LHFPL1: variants seen among roughly 807,000 people sequenced by gnomAD.
LHFPL1 encodes the protein LHFPL tetraspan subfamily member 1 protein.
In LHFPL1, 4 loss-of-function variants were observed where a neutral mutation model predicts 12.1. That is an observed-to-expected ratio of 0.33 (90% CI 0.16 to 0.76). The LOEUF is 0.76. LHFPL1 is among the 30% of genes least tolerant of loss of function. The probability of loss-of-function intolerance (pLI) is 0.61; values close to 1 mark genes in which losing one functional copy is unlikely to be tolerated. For synonymous variants in LHFPL1, 52 were observed against 61.9 expected, an observed-to-expected ratio of 0.84 and a Z score of 0.75; for missense variants, 141 against 174.1, an observed-to-expected ratio of 0.81 and a Z score of 1.07.
At chrX:112,676,580 G>T (rs1374848362) in intron 1 of LHFPL1, among the ~76,000 whole-genome samples, 1 of 112,044 alleles carries the variant, frequency 8.9e-6, no homozygotes, top group African/African-American at 3.2e-5. Flanking sequence ...TTCTGAATTT[G>T]CTATCCTTAC....
intron 2 of LHFPL1, among the ~76,000 whole-genome samples, chrX:112,670,593 A>G (rs767420106): frequency 3.5e-4 from 39 of 112,444 alleles, no homozygotes; most frequent in Non-Finnish European, 6.2e-4. Context: ...ACCTGTGTGT[A>G]TGTGTTTATT....
chrX:112,673,529 C>T (rs1931570742), intron 1 of LHFPL1, among the ~76,000 whole-genome samples: 1 of 111,794 alleles, frequency 8.9e-6, no homozygotes, highest in South Asian at 3.8e-4. Context: ...GATGAAGCAG[C>T]CCAGGCCAGA....
chrX:112,632,372 C>A (rs1328424395), intron 3 of LHFPL1, among the ~76,000 whole-genome samples: 1 of 111,929 alleles, frequency 8.9e-6, no homozygotes, highest in Non-Finnish European at 1.9e-5. Context: ...GAGACAGGTT[C>A]CTTTGTCTGA....
intron 3 of LHFPL1, among the ~76,000 whole-genome samples, chrX:112,642,624 T>C (rs1930548652): frequency 9.2e-6 from 1 of 108,924 alleles, no homozygotes; most frequent in African/African-American, 3.4e-5. Flanking sequence ...TGCAAGGCAA[T>C]GTGAAAATAA....
intron 3 of LHFPL1, among the ~76,000 whole-genome samples, chrX:112,634,178 T>C (rs753013788): frequency 9.0e-6 from 1 of 111,293 alleles, no homozygotes; most frequent in South Asian, 3.9e-4. Context: ...AGCAGAGAGG[T>C]AGAGGCAGAA....
At chrX:112,677,537 T>C (rs1973284367) in intron 1 of LHFPL1, among the ~76,000 whole-genome samples, 1 of 110,948 alleles carries the variant, frequency 9.0e-6, no homozygotes, top group Non-Finnish European at 1.9e-5. Context: ...TGCAGGCATA[T>C]GTTTCCAGTG....
intron 2 of LHFPL1, among the ~76,000 whole-genome samples, chrX:112,662,235 G>C (rs1007251754): frequency 8.9e-6 from 1 of 112,325 alleles, no homozygotes; most frequent in Non-Finnish European, 1.9e-5. Context: ...GTAAGACATA[G>C]CACAGAACCA....
intron 3 of LHFPL1, among the ~76,000 whole-genome samples, chrX:112,660,206 G>C (rs750947551): frequency 8.9e-6 from 1 of 112,229 alleles, no homozygotes; most frequent in Non-Finnish European, 1.9e-5. Flanking sequence ...TATTTATCTA[G>C]GTTCCTCATG....
At chrX:112,651,802 A>G (rs1483353610) in intron 3 of LHFPL1, among the ~76,000 whole-genome samples, 2 of 111,755 alleles carry the variant, frequency 1.8e-5, no homozygotes, top group African/African-American at 6.5e-5. Flanking sequence ...TCTCTACAAC[A>G]CTGCCAGAGG....
Position 112,671,263 on chromosome X carries a change from G to A in LHFPL1, c.128C>T (p.Ser43Leu). The change falls in exon 2 of 4, where the codon TCA (serine) becomes TTA (leucine). Residue 43 changes from serine to leucine, a missense_variant. Ser to Leu is a moderately radical substitution (Grantham distance 145). Transcript: ENST00000371968. The part of the protein sequence containing the change: ...LFGSQMGKPV[S>L]FSTFRRCNYP... ...GTTGCACCTCCGGAATGTGCTGAATGACACTGGCTTCCCCATCTGGGATCC... is the reference window on the plus strand; with the variant it reads ...GTTGCACCTCCGGAATGTGCTGAATAACACTGGCTTCCCCATCTGGGATCC... 2 of 1,212,196 alleles carry A rather than the reference G, an allele frequency of 1.6e-6. No homozygotes were observed. Among genetic ancestry groups the A allele is most frequent in the Non-Finnish European group, 2.2e-6 (2 of 895,632 alleles).
intron 3 of LHFPL1, among the ~76,000 whole-genome samples, chrX:112,654,660 T>C (rs1930947599): frequency 9.0e-6 from 1 of 110,561 alleles, no homozygotes; most frequent in Non-Finnish European, 1.9e-5. Flanking sequence ...TTTTGGGGAA[T>C]GGTATCGAGG....
At chrX:112,665,568 G>A (rs1053812540) in intron 2 of LHFPL1, among the ~76,000 whole-genome samples, 1 of 111,793 alleles carries the variant, frequency 8.9e-6, no homozygotes, top group East Asian at 2.8e-4. Flanking sequence ...GGAAAAGAAA[G>A]CCTTTAGAGT....
chrX:112,667,870 G>A (rs1400357714), intron 2 of LHFPL1, among the ~76,000 whole-genome samples: 1 of 110,051 alleles, frequency 9.1e-6, no homozygotes, highest in Non-Finnish European at 1.9e-5. Flanking sequence ...TATGAGTCAG[G>A]CCAGCAGCTC....
At chrX:112,669,700 G>A (rs1931437600) in intron 2 of LHFPL1, among the ~76,000 whole-genome samples, 1 of 111,974 alleles carries the variant, frequency 8.9e-6, no homozygotes, top group African/African-American at 3.2e-5. Context: ...TGTTGTTGTG[G>A]GTGAGTGTTG....
At chrX:112,677,743 C>T (rs1332248510) in intron 1 of LHFPL1, among the ~76,000 whole-genome samples, 3 of 111,137 alleles carry the variant, frequency 2.7e-5, no homozygotes, top group African/African-American at 9.8e-5. Context: ...GGTTTCTTCT[C>T]CTCTGGCTAT....
chrX:112,661,508 G>T (rs1931186223), intron 2 of LHFPL1: 1 of 111,580 alleles, frequency 9.0e-6, no homozygotes, highest in Non-Finnish European at 1.9e-5. Context: ...CCTGCCTCTG[G>T]CCACAGAGGA....
intron 3 of LHFPL1, among the ~76,000 whole-genome samples, chrX:112,634,898 T>A (rs763245209): frequency 9.0e-6 from 1 of 110,782 alleles, no homozygotes; most frequent in Admixed American, 9.6e-5. Flanking sequence ...TCCATCCACA[T>A]CCCTCCCCAC....
In LHFPL1 at chrX:112,667,411, A is replaced by G. The variant is rs189722987; in HGVS notation, c.382+3598T>C. ...GTTGTGTACATCAGAATGGGAAACG[A>G]GACCAGAGAGTTGGAAAGCTCACAT... On this transcript the variant is annotated intron_variant, in intron 2 of 3. Coordinates refer to ENST00000371968, the MANE Select transcript of LHFPL1 (RefSeq NM_178175.4). 7.1e-5 allele frequency among the ~76,000 whole-genome samples: 8 copies of G among 112,316 alleles called. No homozygotes were observed. In the East Asian group the frequency reaches 2.2e-3, roughly 32 times the overall value.
chrX:112,659,803 T>C (rs191638223), intron 3 of LHFPL1, among the ~76,000 whole-genome samples: 1 of 112,068 alleles, frequency 8.9e-6, no homozygotes, highest in African/African-American at 3.2e-5. Context: ...GCATCCACAC[T>C]AGTTACACCT....
Sources: gnomAD v4.1 joint callset for allele counts (sites outside exome capture counted in the v4.1 genomes callset) on GRCh38, gnomAD v4.1.1 for gene constraint, MANE v1.5 for transcripts, NCBI Gene and HGNC (gene_info 2026-07-23, HGNC 2026-07-21) for gene names.